Variants in SH3PXD2A observed in about 807,000 individuals in gnomAD.
SH3PXD2A encodes SH3 and PX domain-containing protein 2A.
SH3PXD2A carries 32 observed loss-of-function variants against 115.2 expected under a neutral mutation model. That is an observed-to-expected ratio of 0.28 (90% confidence interval 0.21 to 0.37). The LOEUF is 0.37. SH3PXD2A is among the 10% of genes least tolerant of loss of function. SH3PXD2A has a pLI of 1.00. For missense variants in SH3PXD2A, 1,328 were observed against 1,498.7 expected, an observed-to-expected ratio of 0.89 and a Z score of 1.88; for synonymous variants, 610 against 629.1, an observed-to-expected ratio of 0.97 and a Z score of 0.45.
intron 8 of SH3PXD2A, among the ~76,000 whole-genome samples, chr10:103,642,353 G>A (rs1344491858): frequency 6.6e-6 from 1 of 152,166 alleles, no homozygotes; most frequent in Non-Finnish European, 1.5e-5. Flanking sequence ...TTGCTAGACA[G>A]GGGTTAAAGA....
chr10:103,661,788 C>CATG, intron 7 of SH3PXD2A: 1 of 985,336 alleles, frequency 1.0e-6, no homozygotes, highest in Non-Finnish European at 1.2e-6. Context: ...AATAGAAACA[C>CATG]ATGAGACCCG....
rs117675186 is a variant in SH3PXD2A, at chr10:103,791,846, G to A, written c.153+9436C>T. On this transcript the variant is annotated intron_variant, in intron 2 of 14. Transcript: ENST00000369774. ...AAACTTTTCCCAACACCCTCCAGCC[G>A]GACCCAGGTAACCCCAGGATTCAAA... is the stretch of plus-strand genomic sequence containing the variant. 2.4e-4 allele frequency among the ~76,000 whole-genome samples: 36 copies of A among 152,190 alleles called. No homozygotes were observed. The East Asian group carries it at 4.1e-3, about 17-fold the overall frequency.
intron 3 of SH3PXD2A, among the ~76,000 whole-genome samples, chr10:103,739,324 G>C (rs1466649551): frequency 6.6e-6 from 1 of 152,240 alleles, no homozygotes; most frequent in Non-Finnish European, 1.5e-5. Context: ...GGTCAGAGGA[G>C]AATTTCTGCA....
intron 2 of SH3PXD2A, among the ~76,000 whole-genome samples, chr10:103,795,003 A>G (rs2039072666): frequency 6.6e-6 from 1 of 152,132 alleles, no homozygotes; most frequent in African/African-American, 2.4e-5. Flanking sequence ...GTGACAGATC[A>G]CTGTAGGGTG....
intron 5 of SH3PXD2A, among the ~76,000 whole-genome samples, chr10:103,722,670 C>T (rs1018835912): frequency 6.6e-6 from 1 of 150,416 alleles, no homozygotes; most frequent in Non-Finnish European, 1.5e-5. Flanking sequence ...GTAGAAACTT[C>T]GGCCAGCACT....
At chr10:103,723,050 A>G (rs2038201142) in intron 5 of SH3PXD2A, among the ~76,000 whole-genome samples, 2 of 152,062 alleles carry the variant, frequency 1.3e-5, no homozygotes, top group African/African-American at 2.4e-5. Context: ...ATATTCTACA[A>G]CCTCATGGGC....
chr10:103,710,302 G>A (rs1234754446), intron 5 of SH3PXD2A, among the ~76,000 whole-genome samples: 3 of 152,034 alleles, frequency 2.0e-5, no homozygotes, highest in Non-Finnish European at 4.4e-5. Context: ...TTGAGCCTGG[G>A]AGGTGAAGGT....
rs1564847889 is a variant in SH3PXD2A, at chr10:103,627,280, T to C, written c.605-78A>G. 8 of 824,848 alleles carry C rather than the reference T, an allele frequency of 9.7e-6. No homozygotes were observed. In the East Asian group the frequency reaches 1.7e-4, roughly 18 times the overall value. The allele number at this position is 824,848 out of a possible 1,614,324, so 51.1% of individuals were successfully genotyped here. A position where few individuals can be genotyped will look rare whatever the true frequency, so the allele number is the denominator to read the frequency against. ...GGTGGCTCGGGGGCCAGGACAAGGA[T>C]GGAAGGAGAGGCACAAGAAGCGGAG... is the stretch of plus-strand genomic sequence containing the variant. On this transcript the variant is annotated intron_variant, in intron 8 of 14. Coordinates refer to ENST00000369774, the MANE Select transcript of SH3PXD2A (RefSeq NM_001394015.1). The surrounding 1 kb of genome is among the most constrained non-coding windows in gnomAD (Gnocchi z 4.4).
intron 2 of SH3PXD2A, among the ~76,000 whole-genome samples, chr10:103,792,915 G>C (rs1339701426): frequency 3.3e-5 from 5 of 152,192 alleles, no homozygotes; most frequent in Non-Finnish European, 2.9e-5. Flanking sequence ...GATCTAGAAT[G>C]ATGGTCCAGG....
intron 11 of SH3PXD2A, among the ~76,000 whole-genome samples, chr10:103,616,815 A>G (rs1429280228): frequency 6.6e-6 from 1 of 150,440 alleles, no homozygotes; most frequent in East Asian, 2.0e-4. Flanking sequence ...AGGCCTGCGG[A>G]CGCCAGTGCT....
chr10:103,834,631 C>A (rs1010366878), intron 1 of SH3PXD2A, among the ~76,000 whole-genome samples: 1 of 152,246 alleles, frequency 6.6e-6, no homozygotes, highest in Non-Finnish European at 1.5e-5. Flanking sequence ...TCGGCATGGG[C>A]CACCACTCAG....
At chr10:103,837,260 C>CCAGACAGG (rs1422372001) in intron 1 of SH3PXD2A, among the ~76,000 whole-genome samples, 1 of 152,176 alleles carries the variant, frequency 6.6e-6, no homozygotes, top group East Asian at 1.9e-4. Context: ...CCATAAACCT[C>CCAGACAGG]CAGACAGGCA....
intron 2 of SH3PXD2A, among the ~76,000 whole-genome samples, chr10:103,767,459 G>T (rs2038766124): frequency 6.6e-6 from 1 of 152,186 alleles, no homozygotes; most frequent in Non-Finnish European, 1.5e-5. Context: ...AGGGACCAGA[G>T]GCTTTCAGGC....
At chr10:103,820,967 A>C (rs962688030) in intron 1 of SH3PXD2A, among the ~76,000 whole-genome samples, 14 of 152,164 alleles carry the variant, frequency 9.2e-5, no homozygotes, top group Non-Finnish European at 1.6e-4. Flanking sequence ...TAACTGGTGT[A>C]AGATCTTGGA....
intron 2 of SH3PXD2A, among the ~76,000 whole-genome samples, chr10:103,789,535 A>G (rs1357501944): frequency 1.4e-5 from 2 of 144,864 alleles, no homozygotes; most frequent in African/African-American, 2.8e-5. Flanking sequence ...ATACGTACAC[A>G]CACACACACA....
intron 1 of SH3PXD2A, among the ~76,000 whole-genome samples, chr10:103,818,722 T>G (rs959119336): frequency 1.3e-5 from 2 of 152,184 alleles, no homozygotes; most frequent in African/African-American, 4.8e-5. Flanking sequence ...TCGGCTCACC[T>G]TCTCTGGAAA....
intron 6 of SH3PXD2A, chr10:103,678,168 G>C: frequency 7.8e-7 from 1 of 1,288,926 alleles, no homozygotes. Context: ...AATGTCTGGG[G>C]GGAGCAGGGC....
chr10:103,731,109 G>T (rs895892570), intron 4 of SH3PXD2A, among the ~76,000 whole-genome samples: 2 of 151,920 alleles, frequency 1.3e-5, no homozygotes, highest in Non-Finnish European at 2.9e-5. Context: ...CCCAGCTGAG[G>T]TGCTCAGATA....
intron 1 of SH3PXD2A, among the ~76,000 whole-genome samples, chr10:103,802,424 G>A (rs1378381973): frequency 6.6e-6 from 1 of 152,226 alleles, no homozygotes; most frequent in East Asian, 1.9e-4. Flanking sequence ...TTCAGGGCCA[G>A]GCTGTCACCC....
Sources: gnomAD v4.1 joint callset for allele counts (sites outside exome capture counted in the v4.1 genomes callset) on GRCh38, gnomAD v4.1.1 for gene constraint, Gnocchi (gnomAD v3.1) non-coding constraint, MANE v1.5 for transcripts, NCBI Gene and HGNC (gene_info 2026-07-23, HGNC 2026-07-21) for gene names.